Variants in SSUH2 observed in about 807,000 individuals in gnomAD.
SSUH2 encodes the protein ssu-2 homolog, also known as protein SSUH2 homolog.
Under a neutral mutation model 55.3 loss-of-function variants are expected in SSUH2, and 47 were observed. The observed-to-expected ratio is 0.85, with a 90% CI of 0.67 to 1.08. SSUH2 has a LOEUF of 1.08. SSUH2 is among the 50% of genes least tolerant of loss of function. SSUH2 has a pLI of 0.00. For missense variants in SSUH2, 535 were observed against 490.7 expected (o/e 1.09, Z -0.85); for synonymous variants, 212 against 191.5 (o/e 1.11, Z -0.89).
chr3:8,632,391 CT>C (rs1698978397), intron 4 of SSUH2, among the ~76,000 whole-genome samples: 1 of 152,218 alleles, frequency 6.6e-6, no homozygotes, highest in Non-Finnish European at 1.5e-5. Flanking sequence ...ATGAGACAAG[CT>C]TCAGAGCAGT....
chr3:8,652,613 T>C (rs564715755), intron 7 of SSUH2, among the ~76,000 whole-genome samples: 1 of 152,312 alleles, frequency 6.6e-6, no homozygotes, highest in South Asian at 2.1e-4. Flanking sequence ...TACCCTAGGA[T>C]AAAGTCCAAA....
At chr3:8,678,175 AC>A (rs766255117) in intron 2 of SSUH2, among the ~76,000 whole-genome samples, 1 of 151,984 alleles carries the variant, frequency 6.6e-6, no homozygotes, top group Non-Finnish European at 1.5e-5. Flanking sequence ...TTTCTGCCAT[AC>A]ATGAAGTCAT....
At chr3:8,631,398 C>T (rs1432244694) in intron 5 of SSUH2, among the ~76,000 whole-genome samples, 1 of 151,772 alleles carries the variant, frequency 6.6e-6, no homozygotes, top group African/African-American at 2.4e-5. Flanking sequence ...AGGAGACAGA[C>T]AGCACACCAT....
At chr3:8,677,201 C>T (rs1705477880) in intron 3 of SSUH2, 1 of 152,280 alleles carries the variant, frequency 6.6e-6, no homozygotes, top group Non-Finnish European at 1.5e-5. Context: ...ATCCTTTGGA[C>T]CCACCTGGAG....
chr3:8,629,642 C>CAGTGGTTCACAGATGACTCACA, intron 7 of SSUH2, 22 bp downstream of exon 7: 1 of 1,613,642 alleles, frequency 6.2e-7, no homozygotes, highest in Non-Finnish European at 8.5e-7. Flanking sequence ...ACTGACTCAC[C>CAGTGGTTCACAGATGACTCACA]AGTGGTTCAC....
At chr3:8,675,205 G>T in intron 3 of SSUH2, among the ~76,000 whole-genome samples, 1 of 152,206 alleles carries the variant, frequency 6.6e-6, no homozygotes, top group East Asian at 1.9e-4. Flanking sequence ...GGACCTGAAA[G>T]ACGCTTTCTT....
intron 7 of SSUH2, among the ~76,000 whole-genome samples, chr3:8,654,892 G>A (rs1182845403): frequency 6.7e-6 from 1 of 149,280 alleles, no homozygotes; most frequent in African/African-American, 2.5e-5. Flanking sequence ...ATCACAGTGG[G>A]TGGCCTCTTC....
At chr3:8,633,854 G>A (rs752804824) in intron 3 of SSUH2, 59 bp from the exon 4 acceptor site, 14 of 1,613,506 alleles carry the variant, frequency 8.7e-6, no homozygotes, top group Non-Finnish European at 1.2e-5. Flanking sequence ...GACTCACGCG[G>A]GCCAGCCAGC....
chr3:8,653,103 T>C (rs775149556), intron 7 of SSUH2, among the ~76,000 whole-genome samples: 2 of 152,186 alleles, frequency 1.3e-5, no homozygotes, highest in Non-Finnish European at 2.9e-5. Context: ...GGACACCTTT[T>C]TGGATCTAAA....
rs1274939978 is a variant in SSUH2, at chr3:8,633,773, C to A, written c.232G>T (p.Val78Leu). 2 of 1,612,108 alleles carry A rather than the reference C, an allele frequency of 1.2e-6. No homozygotes were observed. Among genetic ancestry groups the A allele is most frequent in the South Asian group, 2.2e-5 (2 of 91,042 alleles). The change falls in exon 4 of 12, where the codon GTG becomes TTG. Residue 78 changes from valine to leucine, a missense_variant. By Grantham distance (32) the Val-to-Leu change is conservative. Transcript: ENST00000544814. ...AAGCTGAGGAGGGCTTCCCGGGCCA[C>A]CTCCTCCGTCATCGCAGGGACTCTG... ...EHRVPAMTEE[V>L]AREALLSFVD...
chr3:8,635,220 C>A, intron 3 of SSUH2, 80 bp downstream of exon 3: 1 of 1,234,442 alleles, frequency 8.1e-7, no homozygotes, highest in South Asian at 1.4e-5. Context: ...GATCCTGATG[C>A]ACTGCCAGGG....
At chr3:8,672,389 G>T (rs72624409) in intron 3 of SSUH2, among the ~76,000 whole-genome samples, 4,203 of 151,834 alleles carry the variant, frequency 0.028, 139 homozygotes, top group East Asian at 0.18. Flanking sequence ...CGACATGGGG[G>T]TAATATCATC....
chr3:8,630,889 C>T lies in SSUH2; in HGVS notation c.441G>A (p.Arg147=). ...VDGPQRGASP[R]LWDIKVQGPP... The stretch of plus-strand genomic sequence containing the variant: ...GACCTTGAACCTTGATGTCCCAGAG[C>T]CTGGGGGAGGCGCCTCTTTGCGGCC... Residue 147 remains arginine, a synonymous_variant, in exon 6 of 12, where the codon AGG becomes AGA. Coordinates refer to ENST00000544814, the MANE Select transcript of SSUH2 (RefSeq NM_001256748.3). 6.8e-7 allele frequency: 1 copy of T among 1,472,042 alleles called. No homozygotes were observed. The highest frequency in any genetic ancestry group is 9.0e-7 in the Non-Finnish European group (1 of 1,111,262). 91.2% of individuals were successfully genotyped at this position (1,472,042 alleles called of 1,614,324 possible). A position where few individuals can be genotyped will look rare whatever the true frequency, so the allele number is the denominator to read the frequency against.
Position 8,635,776 on chromosome 3 carries a change from C to G in SSUH2, c.110G>C (p.Trp37Ser). Residue 37 changes from tryptophan (W) to serine (S), a missense_variant, in exon 2 of 12, where the codon TGG becomes TCG. Coordinates refer to ENST00000544814, the MANE Select transcript of SSUH2 (RefSeq NM_001256748.3). ...GAACTTACTGCCCCCTTGAAGAAGC[C>G]AGTCATAGCTGGGCAGTCTCTCCAG... ...ELLERLPSYD[W>S]LLQGGRGQIF... 1 of 1,535,760 alleles carries G rather than the reference C, an allele frequency of 6.5e-7. No homozygotes were observed. The highest frequency in any genetic ancestry group is 8.7e-7 in the Non-Finnish European group (1 of 1,146,728).
Position 8,619,894 on chromosome 3 carries a change from A to G in SSUH2, c.1102T>C (p.Tyr368His), listed in dbSNP as rs1225595075. 1 of 1,614,032 alleles carries G rather than the reference A, an allele frequency of 6.2e-7. No individual in the cohort carries two copies. The highest frequency in any genetic ancestry group is 8.5e-7 in the Non-Finnish European group (1 of 1,179,982). ...QVYAVDYPER[Y>H]CCGCTIV ...CACACGATGGTACAGCCACAGCAAT[A>G]CCGCTCAGGATAGTCCACCGCATAC... The change falls in exon 12 of 12, where the codon TAT becomes CAT. Residue 368 changes from tyrosine to histidine, a missense_variant. Transcript: ENST00000544814.
At chr3:8,648,920 T>C (rs1201176428), upstream of SSUH2, among the ~76,000 whole-genome samples, 1 of 152,082 alleles carries the variant, frequency 6.6e-6, no homozygotes, top group East Asian at 1.9e-4. Context: ...CTGGGTGCTT[T>C]AGTGAGTGCT....
chr3:8,628,289 G>A (rs949589381), intron 7 of SSUH2, among the ~76,000 whole-genome samples: 5 of 152,204 alleles, frequency 3.3e-5, no homozygotes, highest in Non-Finnish European at 7.3e-5. Flanking sequence ...AGGGCTGGTG[G>A]AGAAGACAGT....
intron 2 of SSUH2, among the ~76,000 whole-genome samples, chr3:8,678,584 C>T (rs1357553458): frequency 8.9e-6 from 1 of 111,780 alleles, no homozygotes; most frequent in African/African-American, 3.1e-5. Context: ...GGAACACCCC[C>T]CGCGAGGCAG....
intron 7 of SSUH2, among the ~76,000 whole-genome samples, chr3:8,656,413 C>G (rs1342888189): frequency 6.6e-6 from 1 of 152,190 alleles, no homozygotes; most frequent in Non-Finnish European, 1.5e-5. Flanking sequence ...GTTTTGTGTT[C>G]CCAACCTGGC....
Sources: gnomAD v4.1 joint callset for allele counts (sites outside exome capture counted in the v4.1 genomes callset) on GRCh38, gnomAD v4.1.1 for gene constraint, MANE v1.5 for transcripts, NCBI Gene and HGNC (gene_info 2026-07-23, HGNC 2026-07-21) for gene names.